Variants in STXBP4 observed in about 807,000 individuals in gnomAD.
STXBP4 encodes the protein syntaxin binding protein 4, also known as syntaxin-binding protein 4.
STXBP4 carries 55 observed loss-of-function variants against 76.1 expected under a neutral mutation model. The observed-to-expected ratio is 0.72, with a 90% CI of 0.58 to 0.91. The LOEUF (loss-of-function observed/expected upper bound fraction) is 0.91, where lower values mean the gene tolerates loss of function less well. Ranked by LOEUF, STXBP4 falls within the 40% of genes least tolerant of loss-of-function variation. STXBP4 has a pLI of 0.00. For synonymous variants in STXBP4, 201 were observed against 220.2 expected, an observed-to-expected ratio of 0.91 and a Z score of 0.77; for missense variants, 618 against 636.9, an observed-to-expected ratio of 0.97 and a Z score of 0.32.
At chr17:55,138,273 T>C (rs1421726798) in intron 16 of STXBP4, among the ~76,000 whole-genome samples, 2 of 152,068 alleles carry the variant, frequency 1.3e-5, no homozygotes, top group Non-Finnish European at 2.9e-5. Flanking sequence ...GAACACATAA[T>C]AAAGGATCAA....
chr17:55,161,554 C>T lies in STXBP4; in HGVS notation c.*1643C>T, dbSNP rs541499526. 6.6e-6 allele frequency: 1 copy of T among 152,254 alleles called. No homozygotes were observed. The highest frequency in any genetic ancestry group is 1.5e-5 in the Non-Finnish European group (1 of 68,020). 9.4% of individuals were successfully genotyped at this position (152,254 alleles called of 1,614,324 possible). ...TCTAATTCGTTTCTAGTGAGCAAAA[C>T]AAAGAAGGTGCTTGAGTCACTGAAA... On this transcript the variant is annotated 3_prime_UTR_variant, in exon 18 of 18. Coordinates refer to ENST00000376352, the MANE Select transcript of STXBP4 (RefSeq NM_178509.6).
chr17:55,066,411 A>G (rs1001601618), intron 12 of STXBP4, among the ~76,000 whole-genome samples: 5 of 152,020 alleles, frequency 3.3e-5, no homozygotes, highest in South Asian at 4.1e-4. Flanking sequence ...TTTAGTAGAC[A>G]TGAGGTTTCA....
chr17:54,986,809 T>A (rs2077633280), intron 3 of STXBP4, among the ~76,000 whole-genome samples: 1 of 152,144 alleles, frequency 6.6e-6, no homozygotes, highest in Non-Finnish European at 1.5e-5. Context: ...CTTAAAACAA[T>A]AAGCATTTAT....
chr17:55,036,415 T>G (rs1336417155), intron 10 of STXBP4, among the ~76,000 whole-genome samples: 1 of 151,544 alleles, frequency 6.6e-6, no homozygotes, highest in Non-Finnish European at 1.5e-5. Context: ...CTTACGCTTT[T>G]TGTTGCCATT....
intron 16 of STXBP4, among the ~76,000 whole-genome samples, chr17:55,096,692 A>G (rs1372037140): frequency 7.2e-5 from 11 of 151,850 alleles, no homozygotes; most frequent in Non-Finnish European, 5.9e-5. Flanking sequence ...ATTTTTAAGC[A>G]TCATGGAGAT....
At chr17:55,118,626 G>C (rs1169695480) in intron 16 of STXBP4, among the ~76,000 whole-genome samples, 1 of 151,820 alleles carries the variant, frequency 6.6e-6, no homozygotes, top group Non-Finnish European at 1.5e-5. Context: ...TATGAAAGTG[G>C]TGAGATCACC....
intron 8 of STXBP4, among the ~76,000 whole-genome samples, chr17:55,008,231 A>G (rs1438277794): frequency 1.3e-5 from 2 of 152,074 alleles, no homozygotes; most frequent in Admixed American, 6.6e-5. Context: ...TTGATGTAAA[A>G]TGGATATACT....
intron 8 of STXBP4, among the ~76,000 whole-genome samples, chr17:55,027,345 G>A (rs570905802): frequency 2.6e-4 from 39 of 152,266 alleles, no homozygotes; most frequent in Admixed American, 1.8e-3. Flanking sequence ...CAAGATACTA[G>A]AGTACGTCCC....
chr17:55,077,020 C>T (rs909193317), intron 13 of STXBP4, among the ~76,000 whole-genome samples: 3 of 151,942 alleles, frequency 2.0e-5, no homozygotes, highest in Non-Finnish European at 4.4e-5. Context: ...TCAATAGTTT[C>T]TTGTGTATTA....
intron 16 of STXBP4, among the ~76,000 whole-genome samples, chr17:55,134,017 G>T (rs927104855): frequency 6.6e-6 from 1 of 152,086 alleles, no homozygotes; most frequent in Non-Finnish European, 1.5e-5. Flanking sequence ...TAAGATAGAA[G>T]ATAATTACAG....
chr17:55,079,325 G>T (rs1598292775), intron 15 of STXBP4, among the ~76,000 whole-genome samples: 1 of 152,082 alleles, frequency 6.6e-6, no homozygotes, highest in East Asian at 1.9e-4. Flanking sequence ...TGGTCATTTT[G>T]ATACATGATG....
intron 16 of STXBP4, among the ~76,000 whole-genome samples, chr17:55,123,490 C>T (rs907161615): frequency 1.9e-4 from 29 of 151,986 alleles, no homozygotes; most frequent in African/African-American, 6.8e-4. Context: ...TGCTGCCAGA[C>T]GAAGAGAAGA....
intron 16 of STXBP4, among the ~76,000 whole-genome samples, chr17:55,090,046 C>T (rs779010342): frequency 5.3e-5 from 8 of 152,042 alleles, no homozygotes; most frequent in South Asian, 4.2e-4. Context: ...ACAACAGTAA[C>T]GATTGTGGGA....
downstream of STXBP4, among the ~76,000 whole-genome samples, chr17:55,176,874 A>G (rs893455426): frequency 1.3e-5 from 2 of 152,060 alleles, no homozygotes; most frequent in Admixed American, 6.6e-5. Flanking sequence ...CTCAGACATA[A>G]TATTTCCTGG....
the STXBP4 span, among the ~76,000 whole-genome samples, chr17:55,203,538 A>G: frequency 6.6e-6 from 1 of 152,284 alleles, no homozygotes; most frequent in East Asian, 1.9e-4. Flanking sequence ...TCCTACACAA[A>G]CAAGTGGAGG....
At chr17:55,208,152 T>C in the STXBP4 span, among the ~76,000 whole-genome samples, 1 of 151,510 alleles carries the variant, frequency 6.6e-6, no homozygotes, top group South Asian at 2.1e-4. Flanking sequence ...CTGAAATTCT[T>C]TGGTCAATTT....
chr17:55,080,967 A>G lies in STXBP4; in HGVS notation c.1356-83A>G, dbSNP rs572271881. 3 of 1,247,640 alleles carry G rather than the reference A, an allele frequency of 2.4e-6. No homozygotes were observed. The African/African-American group carries it at 4.6e-5, about 19-fold the overall frequency. The allele number at this position is 1,247,640 out of a possible 1,614,324, so 77.3% of individuals were successfully genotyped here. ...AATATAAATATTTTTGTACAAATCT[A>G]TAACTGATACAACTTCAGATTTAGT... On this transcript the variant is annotated intron_variant, in intron 15 of 17. Coordinates refer to ENST00000376352, the MANE Select transcript of STXBP4 (RefSeq NM_178509.6).
At chr17:55,096,941 C>A (rs977903594) in intron 16 of STXBP4, among the ~76,000 whole-genome samples, 4 of 152,062 alleles carry the variant, frequency 2.6e-5, no homozygotes, top group Admixed American at 2.6e-4. Context: ...TTGTCCTAAA[C>A]TGCTTTGCAT....
the STXBP4 span, among the ~76,000 whole-genome samples, chr17:55,181,938 T>C: frequency 1.3e-5 from 2 of 152,274 alleles, no homozygotes; most frequent in East Asian, 3.9e-4. Flanking sequence ...CAACATCCTA[T>C]GAGTAAGGGT....
Sources: gnomAD v4.1 joint callset for allele counts (sites outside exome capture counted in the v4.1 genomes callset) on GRCh38, gnomAD v4.1.1 for gene constraint, MANE v1.5 for transcripts, NCBI Gene and HGNC (gene_info 2026-07-23, HGNC 2026-07-21) for gene names.